COMMD10: variants seen among roughly 807,000 people sequenced by gnomAD.
COMMD10 encodes COMM domain-containing protein 10.
Under a neutral mutation model 28.9 loss-of-function variants are expected in COMMD10, and 33 were observed. The observed-to-expected ratio is 1.14, with a 90% CI of 0.87 to 1.53. The LOEUF (loss-of-function observed/expected upper bound fraction) is 1.53. Ranked by LOEUF, COMMD10 falls within the 40% of genes most tolerant of loss-of-function variation. The probability of loss-of-function intolerance (pLI) is 0.00; values close to 1 mark genes in which losing one functional copy is unlikely to be tolerated. For missense variants in COMMD10, 310 were observed against 233.4 expected (o/e 1.33, Z -2.14); for synonymous variants, 110 against 81.7 (o/e 1.35, Z -1.87).
At chr5:116,157,939 C>CCTTT (rs1378166017) in intron 5 of COMMD10, among the ~76,000 whole-genome samples, 4 of 138,102 alleles carry the variant, frequency 2.9e-5, no homozygotes, top group Non-Finnish European at 3.1e-5. Context: ...CTTTCCTTTA[C>CCTTT]TTTTTTTTTT....
intron 5 of COMMD10, among the ~76,000 whole-genome samples, chr5:116,257,326 A>T (rs1374411031): frequency 4.0e-5 from 6 of 151,662 alleles, no homozygotes; most frequent in African/African-American, 1.2e-4. Context: ...GCCTTTATAG[A>T]GATTTTAAAT....
intron 5 of COMMD10, among the ~76,000 whole-genome samples, chr5:116,137,981 G>T (rs532619864): frequency 6.6e-6 from 1 of 151,866 alleles, no homozygotes; most frequent in Non-Finnish European, 1.5e-5. Flanking sequence ...TTCGTTAGGG[G>T]GCAGTAGAGT....
intron 5 of COMMD10, among the ~76,000 whole-genome samples, chr5:116,220,417 C>CT (rs34004731): frequency 0.59 from 89,980 of 151,698 alleles, 30,828 homozygotes; most frequent in South Asian, 0.77. Context: ...CCCTGTAATT[C>CT]TTTCATTCCA....
chr5:116,179,182 C>T (rs1363585488), intron 5 of COMMD10, among the ~76,000 whole-genome samples: 2 of 151,800 alleles, frequency 1.3e-5, no homozygotes, highest in Non-Finnish European at 2.9e-5. Flanking sequence ...AGTTTATAAC[C>T]TAATAAATAA....
chr5:116,143,060 G>A (rs1419228388), intron 5 of COMMD10, among the ~76,000 whole-genome samples: 2 of 94,090 alleles, frequency 2.1e-5, no homozygotes, highest in Non-Finnish European at 4.4e-5. Flanking sequence ...AATTTAATGT[G>A]TGTTTTTGGT....
intron 5 of COMMD10, among the ~76,000 whole-genome samples, chr5:116,278,484 A>G (rs1383056275): frequency 6.6e-6 from 1 of 151,868 alleles, no homozygotes; most frequent in Admixed American, 6.6e-5. Context: ...AAATATAGTG[A>G]TGATATGACT....
At chr5:116,122,341 A>C (rs182440050) in intron 4 of COMMD10, among the ~76,000 whole-genome samples, 2,958 of 152,142 alleles carry the variant, frequency 0.019, 89 homozygotes, top group African/African-American at 0.062. Flanking sequence ...ATTGGTCTGT[A>C]TCTCTGTTTT....
intron 4 of COMMD10, among the ~76,000 whole-genome samples, chr5:116,115,922 A>G (rs919005989): frequency 1.3e-5 from 2 of 152,150 alleles, no homozygotes; most frequent in Admixed American, 1.3e-4. Context: ...ACTCCTTAAA[A>G]TGCACTTATG....
At chr5:116,150,993 G>A (rs867624068) in intron 5 of COMMD10, among the ~76,000 whole-genome samples, 7 of 151,680 alleles carry the variant, frequency 4.6e-5, no homozygotes, top group Non-Finnish European at 7.4e-5. Context: ...TTGGCTGTGG[G>A]TTTGTCATAG....
intron 4 of COMMD10, among the ~76,000 whole-genome samples, chr5:116,118,627 T>C (rs551999050): frequency 6.6e-6 from 1 of 152,332 alleles, no homozygotes; most frequent in South Asian, 2.1e-4. Flanking sequence ...CTTTTTGTGG[T>C]TCATTTATTT....
intron 5 of COMMD10, among the ~76,000 whole-genome samples, chr5:116,218,987 A>T (rs1749175040): frequency 6.6e-6 from 1 of 152,158 alleles, no homozygotes; most frequent in South Asian, 2.1e-4. Context: ...GTTAAATGAG[A>T]TCATAAGGAT....
chr5:116,107,269 T>C (rs1469832896), intron 4 of COMMD10, among the ~76,000 whole-genome samples: 1 of 152,086 alleles, frequency 6.6e-6, no homozygotes. Context: ...CCCTGAAGAG[T>C]GTTTTCCAAC....
intron 5 of COMMD10, among the ~76,000 whole-genome samples, chr5:116,250,455 A>G (rs1448247438): frequency 6.6e-6 from 1 of 151,528 alleles, no homozygotes; most frequent in Non-Finnish European, 1.5e-5. Context: ...TGGAGATACT[A>G]GATGGAAGTA....
intron 5 of COMMD10, among the ~76,000 whole-genome samples, chr5:116,224,698 A>C (rs1749348610): frequency 6.6e-6 from 1 of 152,254 alleles, no homozygotes; most frequent in South Asian, 2.1e-4. Context: ...CTCTAGGCCC[A>C]CCTCCAGCAT....
chr5:116,091,207 A>C lies in COMMD10; in HGVS notation c.243+18A>C, dbSNP rs751780864. The C allele has an allele frequency of 1.5e-6, 2 of 1,356,104 alleles. No homozygotes were observed. Among genetic ancestry groups the C allele is most frequent in the East Asian group, 4.6e-5 (2 of 43,138 alleles). 84.0% of individuals were successfully genotyped at this position (1,356,104 alleles called of 1,614,324 possible). A position where few individuals can be genotyped will look rare whatever the true frequency, so the allele number is the denominator to read the frequency against. On this transcript the variant is annotated intron_variant, in intron 3 of 6. Coordinates refer to ENST00000274458, the MANE Select transcript of COMMD10 (RefSeq NM_016144.4). ...TAGAACAGGTATTTTTATTGCATCA[A>C]ATTTTCTAGCCATGATTTGTTTACT...
intron 5 of COMMD10, among the ~76,000 whole-genome samples, chr5:116,165,631 C>T (rs1213256087): frequency 8.6e-5 from 13 of 151,758 alleles, no homozygotes; most frequent in East Asian, 1.9e-4. Flanking sequence ...TGTGTTTGTG[C>T]GCACACACAC....
chr5:116,108,222 C>G (rs1422872434), intron 4 of COMMD10, among the ~76,000 whole-genome samples: 1 of 152,232 alleles, frequency 6.6e-6, no homozygotes, highest in African/African-American at 2.4e-5. Context: ...ATCCACTGCT[C>G]TCTCCAGAGC....
chr5:116,240,123 T>A (rs1749774514), intron 5 of COMMD10, among the ~76,000 whole-genome samples: 1 of 152,072 alleles, frequency 6.6e-6, no homozygotes, highest in African/African-American at 2.4e-5. Context: ...GAGTCCTCTT[T>A]CAGGTTCAAC....
chr5:116,250,225 C>T (rs1290953549), intron 5 of COMMD10, among the ~76,000 whole-genome samples: 2 of 151,602 alleles, frequency 1.3e-5, no homozygotes, highest in African/African-American at 2.4e-5. Context: ...ACTTTTGAAC[C>T]TGAAACAGAA....
Sources: gnomAD v4.1 joint callset for allele counts (sites outside exome capture counted in the v4.1 genomes callset) on GRCh38, gnomAD v4.1.1 for gene constraint, MANE v1.5 for transcripts, NCBI Gene and HGNC (gene_info 2026-07-23, HGNC 2026-07-21) for gene names.